Variants in KIAA1217 observed in about 807,000 individuals in gnomAD.
The protein encoded by KIAA1217 is KIAA1217.
Under a neutral mutation model 163.9 loss-of-function variants are expected in KIAA1217, and 88 were observed. The observed-to-expected ratio is 0.54, with a 90% CI of 0.45 to 0.64. KIAA1217 has a LOEUF of 0.64. KIAA1217 is among the 30% of genes least tolerant of loss of function. The pLI, the probability that KIAA1217 is intolerant of heterozygous loss-of-function variation, is 0.00. For missense variants in KIAA1217, 2,372 were observed against 2,475.0 expected (o/e 0.96, Z 0.88); for synonymous variants, 903 against 923.1 (o/e 0.98, Z 0.39).
chr10:24,410,607 C>A (rs576434889), intron 3 of KIAA1217, among the ~76,000 whole-genome samples: 2 of 152,270 alleles, frequency 1.3e-5, no homozygotes, highest in East Asian at 3.9e-4. Flanking sequence ...TGAAGGTGTT[C>A]TCTATCACTT....
chr10:24,153,030 G>A (rs1181271435), intron 2 of KIAA1217, among the ~76,000 whole-genome samples: 2 of 152,200 alleles, frequency 1.3e-5, no homozygotes, highest in African/African-American at 2.4e-5. Flanking sequence ...CCTGCTGGGT[G>A]CAAATCCTCT....
At chr10:24,267,151 T>TTGAA in intron 2 of KIAA1217, among the ~76,000 whole-genome samples, 1 of 152,158 alleles carries the variant, frequency 6.6e-6, no homozygotes, top group Admixed American at 6.6e-5. Flanking sequence ...AATAACGAGG[T>TTGAA]TGAATTATTT....
At chr10:23,918,388 C>A (rs560265139) in intron 1 of KIAA1217, among the ~76,000 whole-genome samples, 2 of 152,136 alleles carry the variant, frequency 1.3e-5, no homozygotes, top group African/African-American at 4.8e-5. Flanking sequence ...ACTTTGAAAC[C>A]ACTAGTCACA....
chr10:24,103,231 A>C (rs374702093), intron 2 of KIAA1217, among the ~76,000 whole-genome samples: 3 of 152,370 alleles, frequency 2.0e-5, no homozygotes, highest in African/African-American at 7.2e-5. Flanking sequence ...AAAGAAAAGA[A>C]TCTAGACACA....
chr10:24,324,814 C>T (rs2044653677), intron 2 of KIAA1217, among the ~76,000 whole-genome samples: 1 of 152,086 alleles, frequency 6.6e-6, no homozygotes, highest in Non-Finnish European at 1.5e-5. Flanking sequence ...GTCTTGCAAA[C>T]TTGTACTGCT....
rs1837575477 is a variant in KIAA1217 at position 23,716,459 on chromosome 10, A to G, written c.-321+21225A>G. ...ATGTGAAAGTTTTAAATCACCAATT[A>G]TTAATTAAGACATAAATTTCCTATA... On this transcript the variant is annotated intron_variant, in intron 1 of 18. Transcript: ENST00000376462. Among the ~76,000 whole-genome samples the G allele has an allele frequency of 3.3e-5, 5 of 152,208 alleles. No individual in the cohort carries two copies. In the South Asian group the frequency reaches 1.0e-3, roughly 31 times the overall value.
At chr10:23,886,329 A>G (rs1405259617) in intron 1 of KIAA1217, among the ~76,000 whole-genome samples, 1 of 151,926 alleles carries the variant, frequency 6.6e-6, no homozygotes, top group African/African-American at 2.4e-5. Context: ...CTGGTGTCTC[A>G]TGTTCATTCA....
At chr10:24,384,568 T>C (rs7091541) in intron 3 of KIAA1217, among the ~76,000 whole-genome samples, 78,519 of 152,094 alleles carry the variant, frequency 0.52, 22,843 homozygotes, top group African/African-American at 0.8. Context: ...CCCAGCTGGC[T>C]CAGTGTCGCC....
intron 1 of KIAA1217, among the ~76,000 whole-genome samples, chr10:23,880,466 A>G (rs1316889445): frequency 1.3e-5 from 2 of 151,900 alleles, no homozygotes; most frequent in Non-Finnish European, 2.9e-5. Context: ...TAGTTGGGAG[A>G]GGAAGGGAAG....
At chr10:24,518,194 G>A (rs1217733905) in intron 10 of KIAA1217, among the ~76,000 whole-genome samples, 4 of 152,164 alleles carry the variant, frequency 2.6e-5, no homozygotes, top group Admixed American at 1.3e-4. Flanking sequence ...ACATTCTGTG[G>A]AGCAAAGCTG....
chr10:24,021,971 A>C (rs878873301), intron 2 of KIAA1217, among the ~76,000 whole-genome samples: 1 of 151,834 alleles, frequency 6.6e-6, no homozygotes, highest in African/African-American at 2.4e-5. Flanking sequence ...GTAAAACCCA[A>C]AACTATAAAA....
At chr10:24,205,302 C>CAAA (rs61292023), upstream of KIAA1217, among the ~76,000 whole-genome samples, 132 of 36,610 alleles carry the variant, frequency 3.6e-3, 18 homozygotes, top group African/African-American at 8.0e-3. Context: ...ACTAAAAATA[C>CAAA]AAAAAAAAAA....
intron 2 of KIAA1217, among the ~76,000 whole-genome samples, chr10:24,254,481 T>G (rs1465784252): frequency 6.6e-6 from 1 of 152,222 alleles, no homozygotes; most frequent in Admixed American, 6.5e-5. Flanking sequence ...GGTTGGGGGC[T>G]GCAGGCCATA....
intron 1 of KIAA1217, among the ~76,000 whole-genome samples, chr10:23,928,718 G>A (rs573025605): frequency 3.9e-5 from 6 of 152,236 alleles, no homozygotes; most frequent in South Asian, 4.1e-4. Flanking sequence ...ATTATTATCC[G>A]CATTTTACAG....
intron 1 of KIAA1217, among the ~76,000 whole-genome samples, chr10:23,737,080 A>G (rs1338675268): frequency 6.6e-6 from 1 of 152,234 alleles, no homozygotes; most frequent in African/African-American, 2.4e-5. Flanking sequence ...TTGAATCTTT[A>G]ATGTCCTTCA....
chr10:24,043,789 C>A (rs145833124), intron 2 of KIAA1217, among the ~76,000 whole-genome samples: 1 of 152,044 alleles, frequency 6.6e-6, no homozygotes, highest in Non-Finnish European at 1.5e-5. Flanking sequence ...ATCCGAGGCT[C>A]GGTGCTTATT....
Position 24,513,722 on chromosome 10 carries a change from G to A in KIAA1217, c.2177+288G>A, listed in dbSNP as rs141551333. ...TCCCAGTTACTCATGAGGCTGAGGC[G>A]GGAGGATTGCTTGAGTCCAGGAGTT... On this transcript the variant is annotated intron_variant, in intron 10 of 20. Transcript: ENST00000376454. Among the ~76,000 whole-genome samples, 92 of 151,818 alleles carry A rather than the reference G, an allele frequency of 6.1e-4. 1 individual carries two copies. Among genetic ancestry groups the A allele is most frequent in the African/African-American group, 2.1e-3 (85 of 41,366 alleles).
At chr10:24,329,152 GTTTATA>G (rs940753829) in intron 2 of KIAA1217, among the ~76,000 whole-genome samples, 8 of 146,580 alleles carry the variant, frequency 5.5e-5, no homozygotes, top group African/African-American at 2.0e-4. Context: ...TATATACATA[GTTTATA>G]TTTATACATA....
chr10:23,915,320 A>T (rs148115964), intron 1 of KIAA1217, among the ~76,000 whole-genome samples: 1 of 152,134 alleles, frequency 6.6e-6, no homozygotes, highest in African/African-American at 2.4e-5. Flanking sequence ...TGAGATGTAG[A>T]TGGGAAAACA....
Sources: allele counts gnomAD v4.1 joint callset (sites outside exome capture counted in the v4.1 genomes callset), GRCh38; gene constraint gnomAD v4.1.1; transcripts MANE v1.5; gene names NCBI Gene and HGNC (gene_info 2026-07-23, HGNC 2026-07-21).